The following DNAH17 variants were observed in gnomAD, a reference collection of about 807,000 sequenced individuals.
The protein encoded by DNAH17 is axonemal beta dynein heavy chain 17.
Under a neutral mutation model 485.6 loss-of-function variants are expected in DNAH17, and 376 were observed. The ratio of observed to expected loss-of-function variants is 0.77; its 90% CI spans 0.71 to 0.84. The LOEUF is 0.84. Among genes scored for constraint, DNAH17 ranks in the 40% least tolerant of loss-of-function variants. The pLI is 0.00. For missense variants in DNAH17, 6,370 were observed against 5,839.3 expected, an observed-to-expected ratio of 1.09 and a Z score of -2.96; for synonymous variants, 3,031 against 2,405.9, an observed-to-expected ratio of 1.26 and a Z score of -7.60.
rs1034486119 is a variant in DNAH17, at chr17:78,453,572, G to C, written c.10407-107C>G. On this transcript the variant is annotated intron_variant, in intron 64 of 80. Transcript: ENST00000389840. Reference sequence around the variant, plus strand: ...CCCTCTGAGCGAGACAGCGCCAAGCGAGGGGTGACCTAGGAGCCCACAACT... The same window carrying C: ...CCCTCTGAGCGAGACAGCGCCAAGCCAGGGGTGACCTAGGAGCCCACAACT... 3 of 1,445,952 alleles carry C rather than the reference G, an allele frequency of 2.1e-6. No homozygotes were observed. The East Asian group carries it at 7.2e-5, about 35-fold the overall frequency. The allele number at this position is 1,445,952 out of a possible 1,614,324, so 89.6% of individuals were successfully genotyped here.
chr17:78,453,872 G>GTT (rs2087666583), intron 64 of DNAH17, among the ~76,000 whole-genome samples: 1 of 151,728 alleles, frequency 6.6e-6, no homozygotes, highest in Non-Finnish European at 1.5e-5. Flanking sequence ...TTGTTTGTTT[G>GTT]TTTTTTGTTT....
Position 78,570,965 on chromosome 17 carries a change from G to T in DNAH17, c.901C>A (p.Gln301Lys), listed in dbSNP as rs1420234533. ...PLRILLEEME[Q>K]ADFTMLPTFI... is the part of the protein sequence containing the mutation. ...CTGCGCACCATCGTGAAGTCGGCTT[G>T]TTCCATCTCCTCCAGCAGGATCCGT... is the stretch of plus-strand genomic sequence containing the variant. Residue 301 changes from glutamine (Q) to lysine (K), a missense_variant, in exon 6 of 81, where the codon CAA becomes AAA. Coordinates refer to ENST00000389840, the MANE Select transcript of DNAH17 (RefSeq NM_173628.4). 3.8e-6 allele frequency: 6 copies of T among 1,587,072 alleles called. No individual in the cohort carries two copies. The highest frequency in any genetic ancestry group is 3.4e-6 in the Non-Finnish European group (4 of 1,166,626).
Position 78,444,650 on chromosome 17 carries a change from A to G in DNAH17, c.11482T>C (p.Cys3828Arg). The G allele has an allele frequency of 6.2e-7, 1 of 1,604,680 alleles. No individual in the cohort carries two copies. Residue 3828 changes from cysteine (C) to arginine (R), a missense_variant, in exon 71 of 81, where the codon TGC becomes CGC. Transcript: ENST00000389840. The stretch of plus-strand genomic sequence containing the variant: ...TCTGGCCGCAGGCAGCGCACCATGC[A>G]CAGCTTCTGCAGGGCCGTCTTGTTC... ...WKNKTALQKL[C>R]MVRCLRPDRM...
chr17:78,425,606 C>CATAGA, intron 79 of DNAH17, 35 bp from the exon 80 acceptor site: 2 of 1,551,118 alleles, frequency 1.3e-6, no homozygotes, highest in Non-Finnish European at 1.7e-6. Context: ...GAGGAGAGGA[C>CATAGA]ATAGAATGAC....
intron 16 of DNAH17, among the ~76,000 whole-genome samples, chr17:78,550,888 T>C (rs2091887422): frequency 6.6e-6 from 1 of 152,190 alleles, no homozygotes; most frequent in Non-Finnish European, 1.5e-5. Flanking sequence ...GAGCCCTTTC[T>C]GAGGAAATTG....
chr17:78,441,728 T>G (rs1191940078), intron 71 of DNAH17, among the ~76,000 whole-genome samples: 3 of 152,126 alleles, frequency 2.0e-5, no homozygotes, highest in Admixed American at 6.6e-5. Flanking sequence ...GTGTTGGCCT[T>G]TCTTCTGTGA....
Position 78,461,528 on chromosome 17 carries a change from G to C in DNAH17, c.9339+16C>G. ...CAGCAGCCTTCCTGAAGGCACGCTG[G>C]GCTGCCTTCACCTACCTTATTGATG... On this transcript the variant is annotated intron_variant, in intron 58 of 80. Transcript: ENST00000389840. 1 of 1,556,684 alleles carries C rather than the reference G, an allele frequency of 6.4e-7. No homozygotes were observed. Among genetic ancestry groups the C allele is most frequent in the Non-Finnish European group, 8.7e-7 (1 of 1,151,208 alleles).
In DNAH17 at chr17:78,434,101, C is replaced by G. The variant is rs143586804; in HGVS notation, c.12153G>C (p.Ser4051=). ...RKFGAQGWNR[S]YPFNNGDLTI... ...TGAGGTCCCCGTTGTTGAAGGGGTA[C>G]GACCGGTTCCAGCCCTGGGCGCCGA... The change falls in exon 75 of 81, where the codon TCG becomes TCC. Residue 4051 remains serine (S), a synonymous_variant. Coordinates refer to ENST00000389840, the MANE Select transcript of DNAH17 (RefSeq NM_173628.4). The G allele has an allele frequency of 1.9e-6, 3 of 1,613,594 alleles. No homozygotes were observed. Among genetic ancestry groups the G allele is most frequent in the Admixed American group, 1.7e-5 (1 of 60,004 alleles).
intron 16 of DNAH17, among the ~76,000 whole-genome samples, chr17:78,550,142 C>G (rs1003575302): frequency 6.6e-6 from 1 of 152,184 alleles, no homozygotes; most frequent in African/African-American, 2.4e-5. Flanking sequence ...GGAGGAGGAG[C>G]GACGTCATGC....
intron 41 of DNAH17, 97 bp from the exon 42 acceptor site, chr17:78,492,862 T>G (rs2089923327): frequency 9.3e-7 from 1 of 1,071,246 alleles, no homozygotes; most frequent in East Asian, 3.4e-5. Context: ...ATGGTTTTTT[T>G]TTTTTTGAGA....
chr17:78,474,805 C>G (rs1267232818), intron 54 of DNAH17, among the ~76,000 whole-genome samples: 1 of 135,390 alleles, frequency 7.4e-6, no homozygotes, highest in Admixed American at 7.3e-5. Context: ...ACCTCAGTCA[C>G]CCGGGCACAC....
intron 80 of DNAH17, 170 bp downstream of exon 80, chr17:78,425,176 A>G (rs1344769595): frequency 1.6e-6 from 1 of 640,586 alleles, no homozygotes; most frequent in Non-Finnish European, 2.7e-6. Flanking sequence ...AACCCTCTCT[A>G]GGGTCAGCGT....
chr17:78,502,047 G>A lies in DNAH17; in HGVS notation c.5191-174C>T, dbSNP rs1039099991. 6 of 810,950 alleles carry A rather than the reference G, an allele frequency of 7.4e-6. No individual in the cohort carries two copies. In the East Asian group the frequency reaches 8.3e-5, roughly 11 times the overall value. 50.2% of individuals were successfully genotyped at this position (810,950 alleles called of 1,614,324 possible). On this transcript the variant is annotated intron_variant, in intron 33 of 80. Coordinates refer to ENST00000389840, the MANE Select transcript of DNAH17 (RefSeq NM_173628.4). ...CCAGGCACTGGTTTCACCAGGGTGC[G>A]GCCCTGATGGGACACCTGGCAGTGG...
At chr17:78,506,135 AGTT>A (rs2090477525) in intron 30 of DNAH17, among the ~76,000 whole-genome samples, 1 of 76,512 alleles carries the variant, frequency 1.3e-5, no homozygotes, top group African/African-American at 5.1e-5. Flanking sequence ...CCCTTCACCT[AGTT>A]AATTTTTTTT....
In DNAH17 at chr17:78,567,035, G is replaced by A. The variant is rs140578969; in HGVS notation, c.1416C>T (p.Ala472=). The A allele has an allele frequency of 2.0e-4, 325 of 1,613,388 alleles. No individual in the cohort carries two copies. Among genetic ancestry groups the A allele is most frequent in the Admixed American group, 3.0e-4 (18 of 59,886 alleles). Residue 472 remains alanine, a synonymous_variant, in exon 10 of 81, where the codon GCC becomes GCT. Coordinates refer to ENST00000389840, the MANE Select transcript of DNAH17 (RefSeq NM_173628.4). ...GGTCCAAGGGATCATATTTGCAGTC[G>A]GCAAAAACCTTCACCAGCTCAAAGA... The part of the protein sequence containing the change: ...DEVFELVKVF[A]DCKYDPLDPG...
At chr17:78,459,754 C>T (rs772374698) in intron 60 of DNAH17, 30 bp downstream of exon 60, 1 of 1,611,768 alleles carries the variant, frequency 6.2e-7, no homozygotes. Flanking sequence ...CGGAGGGAAG[C>T]CCCGGCTACG....
chr17:78,466,929 G>T, intron 55 of DNAH17, 113 bp from the exon 56 acceptor site: 1 of 1,181,616 alleles, frequency 8.5e-7, no homozygotes. Flanking sequence ...GGGCTCAGCC[G>T]CCCAGGGCCT....
intron 16 of DNAH17, among the ~76,000 whole-genome samples, chr17:78,546,539 A>G (rs2091769196): frequency 6.6e-6 from 1 of 152,232 alleles, no homozygotes; most frequent in African/African-American, 2.4e-5. Context: ...GGATAGGAGA[A>G]ATCCTGTTTC....
At chr17:78,458,296 G>A (rs558690017) in intron 62 of DNAH17, among the ~76,000 whole-genome samples, 9 of 152,348 alleles carry the variant, frequency 5.9e-5, no homozygotes, top group South Asian at 2.1e-4. Context: ...GGTTATGACC[G>A]AGTAATGCCC....
Sources: allele counts gnomAD v4.1 joint callset (sites outside exome capture counted in the v4.1 genomes callset), GRCh38; gene constraint gnomAD v4.1.1; transcripts MANE v1.5; gene names NCBI Gene and HGNC (gene_info 2026-07-23, HGNC 2026-07-21).